Variants in EHF observed in about 807,000 individuals in gnomAD.
EHF encodes the protein ETS homologous factor, also known as ESE3 transcription factor.
In EHF, 14 loss-of-function variants were observed where a neutral mutation model predicts 45.1. The ratio of observed to expected loss-of-function variants is 0.31; its 90% CI spans 0.21 to 0.49. The LOEUF (loss-of-function observed/expected upper bound fraction) is 0.49. Among genes scored for constraint, EHF ranks in the 20% least tolerant of loss-of-function variants. EHF has a pLI of 0.99. For missense variants in EHF, 282 were observed against 371.4 expected (o/e 0.76, Z 1.98); for synonymous variants, 136 against 131.8 (o/e 1.03, Z -0.22).
intron 1 of EHF, chr11:34,622,326 T>A: frequency 1.1e-6 from 1 of 940,018 alleles, no homozygotes; most frequent in Non-Finnish European, 1.5e-6. Flanking sequence ...TTATCTGCAC[T>A]CACCTTGGTA....
intron 1 of EHF, among the ~76,000 whole-genome samples, chr11:34,628,216 C>A (rs1488576469): frequency 6.6e-6 from 1 of 151,798 alleles, no homozygotes; most frequent in Non-Finnish European, 1.5e-5. Context: ...CTAGCCTGAG[C>A]AACAGAGTGA....
rs192498939 is a variant in EHF, at chr11:34,646,196, T to C, written c.98-243T>C. ...GCTCTAGCTTTCATGATATTTTACT[T>C]TGGGGGAGGTGGGGGATGAGCTCTG... On this transcript the variant is annotated intron_variant, in intron 2 of 8. Transcript: ENST00000257831. Among the ~76,000 whole-genome samples, 15 of 152,078 alleles carry C rather than the reference T, an allele frequency of 9.9e-5. No individual in the cohort carries two copies. In the East Asian group the frequency reaches 2.9e-3, roughly 29 times the overall value.
chr11:34,647,738 C>T (rs913807658), intron 3 of EHF, among the ~76,000 whole-genome samples: 1 of 152,232 alleles, frequency 6.6e-6, no homozygotes, highest in African/African-American at 2.4e-5. Flanking sequence ...TGCAGCAGAG[C>T]TTGTGGCTGC....
rs138741050 is a variant in EHF, at chr11:34,644,682, C to A, written c.98-1757C>A. 3.1e-3 allele frequency among the ~76,000 whole-genome samples: 464 copies of A among 152,066 alleles called. 2 individuals carry two copies. Among genetic ancestry groups the A allele is most frequent in the African/African-American group, 0.011 (437 of 41,304 alleles). On this transcript the variant is annotated intron_variant, in intron 2 of 8. Transcript: ENST00000257831. ...GGAAGAAGAGGGATTGGGTCAGAAA[C>A]ATTTCCCTTTCAGTCTCTCCTCTGA...
chr11:34,627,112 TTGTGTG>T lies in EHF; in HGVS notation c.-4+5911_-4+5916del, dbSNP rs6144298. ...GGATATTAAATTCTGGGATTTTGGT[TTGTGTG>T]TGTGTGTGTGTGTGTGTGTGTGTGT... On this transcript the variant is annotated intron_variant, in intron 1 of 8. Coordinates refer to ENST00000257831, the MANE Select transcript of EHF (RefSeq NM_012153.6). Among the ~76,000 whole-genome samples the T allele has an allele frequency of 4.0e-3, 590 of 148,668 alleles. 3 individuals are homozygous for T. Among genetic ancestry groups the T allele is most frequent in the African/African-American group, 0.011 (444 of 40,286 alleles).
chr11:34,634,019 G>A (rs185826224), intron 1 of EHF, among the ~76,000 whole-genome samples: 48 of 152,214 alleles, frequency 3.2e-4, no homozygotes, highest in Middle Eastern at 6.8e-3. Context: ...GTTGCCCCTG[G>A]GAACGTGAAA....
chr11:34,622,302 G>A, intron 1 of EHF: 1 of 562,476 alleles, frequency 1.8e-6, no homozygotes, highest in South Asian at 2.0e-5. Context: ...CAAGTTCACA[G>A]GTGTCTCTGC....
At position 34,656,936 on chromosome 11, in the gene EHF, A is replaced by G. The variant is rs769582117; in HGVS notation, c.573A>G (p.Gln191=). 10 of 1,613,722 alleles carry G rather than the reference A, an allele frequency of 6.2e-6. No individual in the cohort carries two copies. Among genetic ancestry groups the G allele is most frequent in the Middle Eastern group, 3.3e-4 (2 of 6,058 alleles). ...VAESPDMKKE[Q]DPPAKCHTKK... ...AGTCACCTGATATGAAAAAGGAGCAAGACCCCCCTGCCAAGTGCCACACCA... is the reference window on the plus strand; with the variant it reads ...AGTCACCTGATATGAAAAAGGAGCAGGACCCCCCTGCCAAGTGCCACACCA... Residue 191 remains glutamine, a synonymous_variant, in exon 7 of 9, where the codon CAA becomes CAG. Transcript: ENST00000257831.
intron 1 of EHF, among the ~76,000 whole-genome samples, chr11:34,638,664 A>G (rs879489921): frequency 2.0e-5 from 3 of 152,120 alleles, no homozygotes; most frequent in African/African-American, 4.8e-5. Flanking sequence ...TACACATCTT[A>G]CAATCCACAG....
intron 4 of EHF, among the ~76,000 whole-genome samples, chr11:34,650,647 C>A (rs867729918): frequency 6.6e-6 from 1 of 152,082 alleles, no homozygotes; most frequent in South Asian, 2.1e-4. Context: ...CTGGTGAGGA[C>A]GAGGTGAGAG....
intron 2 of EHF, among the ~76,000 whole-genome samples, chr11:34,644,251 T>G (rs904537142): frequency 6.6e-6 from 1 of 152,214 alleles, no homozygotes; most frequent in Non-Finnish European, 1.5e-5. Flanking sequence ...AGAGCTGTAC[T>G]GTCATAGCAA....
At chr11:34,651,474 A>T in intron 4 of EHF, 68 bp from the exon 5 acceptor site, 1 of 1,356,762 alleles carries the variant, frequency 7.4e-7, no homozygotes, top group Non-Finnish European at 1.1e-6. Flanking sequence ...ACAATGAATT[A>T]GAAAACGCAG....
At chr11:34,650,273 G>A (rs980491681) in intron 4 of EHF, among the ~76,000 whole-genome samples, 22 of 152,154 alleles carry the variant, frequency 1.4e-4, no homozygotes, top group Admixed American at 1.4e-3. Flanking sequence ...GGAGAAGAAG[G>A]TCCACCCTAG....
At position 34,646,499 on chromosome 11, in the gene EHF, A is replaced by G. The variant is rs1297583007; in HGVS notation, c.158A>G (p.Tyr53Cys). ...ATTCATCCTCAGTACTGGACCAAGT[A>G]CCAGGTGTGGGAGTGGCTCCAGCAC... ...HEIHPQYWTK[Y>C]QVWEWLQHLL... The change falls in exon 3 of 9, where the codon TAC becomes TGC. Residue 53 changes from tyrosine (Y) to cysteine (C), a missense_variant. Coordinates refer to ENST00000257831, the MANE Select transcript of EHF (RefSeq NM_012153.6). The G allele has an allele frequency of 2.5e-6, 4 of 1,614,146 alleles. No individual in the cohort carries two copies. Among genetic ancestry groups the G allele is most frequent in the Non-Finnish European group, 1.7e-6 (2 of 1,180,008 alleles).
At chr11:34,623,376 G>A (rs947391765) in intron 1 of EHF, among the ~76,000 whole-genome samples, 3 of 152,078 alleles carry the variant, frequency 2.0e-5, no homozygotes, top group Non-Finnish European at 4.4e-5. Context: ...TTCAGCCACC[G>A]TGCCCAGCCA....
In EHF at chr11:34,659,871, T is replaced by C. The variant is rs1307754980; in HGVS notation, c.*940T>C. 2 of 152,162 alleles carry C rather than the reference T, an allele frequency of 1.3e-5. No individual in the cohort carries two copies. Among genetic ancestry groups the C allele is most frequent in the Non-Finnish European group, 2.9e-5 (2 of 68,024 alleles). The allele number at this position is 152,162 out of a possible 1,614,324, so 9.4% of individuals were successfully genotyped here. A position where few individuals can be genotyped will look rare whatever the true frequency, so the allele number is the denominator to read the frequency against. The stretch of plus-strand genomic sequence containing the variant: ...GAGGGCTTTCCTGTGCATTGTAAGA[T>C]GTTCAGCAGTATCCACTCATGGTCT... On this transcript the variant is annotated 3_prime_UTR_variant, in exon 9 of 9. Transcript: ENST00000257831.
At chr11:34,654,578 G>C (rs145935628) in intron 6 of EHF, among the ~76,000 whole-genome samples, 2 of 152,140 alleles carry the variant, frequency 1.3e-5, no homozygotes, top group Non-Finnish European at 2.9e-5. Context: ...TTCCTAGCTG[G>C]GTGGAGCCTA....
Position 34,652,634 on chromosome 11 carries a change from A to T in EHF, c.544+829A>T, listed in dbSNP as rs995506612. Among the ~76,000 whole-genome samples, 4 of 152,242 alleles carry T rather than the reference A, an allele frequency of 2.6e-5. No homozygotes were observed. The South Asian group carries it at 8.3e-4, about 31-fold the overall frequency. On this transcript the variant is annotated intron_variant, in intron 6 of 8. Coordinates refer to ENST00000257831, the MANE Select transcript of EHF (RefSeq NM_012153.6). ...GAAATGGCACTTAGACATCAGTCAC[A>T]AGTGATAGTGCCTCTCTCCTGGAAT...
At chr11:34,641,991 A>T (rs912349953) in intron 1 of EHF, 1 of 152,068 alleles carries the variant, frequency 6.6e-6, no homozygotes, top group African/African-American at 2.4e-5. Context: ...GAAAGGAAAA[A>T]TTTTTTTCTT....
Sources: allele counts gnomAD v4.1 joint callset (sites outside exome capture counted in the v4.1 genomes callset), GRCh38; gene constraint gnomAD v4.1.1; transcripts MANE v1.5; gene names NCBI Gene and HGNC (gene_info 2026-07-23, HGNC 2026-07-21).